Variants in ABI2 observed in about 807,000 individuals in gnomAD.
ABI2 encodes the protein abelson interactor 2.
Under a neutral mutation model 59.2 loss-of-function variants are expected in ABI2, and 25 were observed. The observed-to-expected ratio is 0.42, with a 90% CI of 0.31 to 0.59. The LOEUF (loss-of-function observed/expected upper bound fraction) is 0.59. Among genes scored for constraint, ABI2 ranks in the 20% least tolerant of loss-of-function variants. ABI2 has a pLI of 0.14. For synonymous variants in ABI2, 213 were observed against 235.5 expected, an observed-to-expected ratio of 0.90 and a Z score of 0.87; for missense variants, 545 against 681.8, an observed-to-expected ratio of 0.80 and a Z score of 2.23.
chr2:203,372,944 T>C (rs2095390698), intron 2 of ABI2, among the ~76,000 whole-genome samples: 1 of 151,340 alleles, frequency 6.6e-6, no homozygotes, highest in South Asian at 2.1e-4. Flanking sequence ...CTAGACGGGA[T>C]GGCGGCCAGG....
intron 10 of ABI2, among the ~76,000 whole-genome samples, chr2:203,412,075 G>T (rs919582533): frequency 6.6e-6 from 1 of 152,196 alleles, no homozygotes; most frequent in Non-Finnish European, 1.5e-5. Context: ...GCATGAATCT[G>T]AACTAGGAGA....
chr2:203,345,820 A>T (rs1044115403), intron 1 of ABI2, among the ~76,000 whole-genome samples: 2 of 151,086 alleles, frequency 1.3e-5, no homozygotes, highest in Admixed American at 6.6e-5. Flanking sequence ...TGCTGGGGTT[A>T]CAGGCGTGAG....
At chr2:203,334,563 G>T (rs962137611) in intron 1 of ABI2, among the ~76,000 whole-genome samples, 1 of 151,948 alleles carries the variant, frequency 6.6e-6, no homozygotes, top group Admixed American at 6.6e-5. Context: ...CCTACTCACT[G>T]TCCAGAGATT....
intron 2 of ABI2, among the ~76,000 whole-genome samples, chr2:203,377,660 C>T (rs2095800757): frequency 6.6e-6 from 1 of 152,204 alleles, no homozygotes; most frequent in Non-Finnish European, 1.5e-5. Context: ...AATCCCAGCA[C>T]TTTGGGAGGC....
At chr2:203,348,830 C>T (rs1266477340) in intron 1 of ABI2, among the ~76,000 whole-genome samples, 2 of 152,174 alleles carry the variant, frequency 1.3e-5, no homozygotes, top group African/African-American at 2.4e-5. Flanking sequence ...ACATCATTAT[C>T]ACCCAAAATT....
At chr2:203,416,165 T>TA in intron 10 of ABI2, among the ~76,000 whole-genome samples, 1 of 152,302 alleles carries the variant, frequency 6.6e-6, no homozygotes. Context: ...AGTGAAAAAA[T>TA]ATTTTAAGAA....
chr2:203,359,934 C>T (rs996449605), intron 1 of ABI2, among the ~76,000 whole-genome samples: 8 of 152,088 alleles, frequency 5.3e-5, no homozygotes, highest in Non-Finnish European at 1.0e-4. Context: ...TGCCTGTAAT[C>T]CCAGCAGTTT....
intron 5 of ABI2, among the ~76,000 whole-genome samples, chr2:203,392,542 GA>G (rs2096801033): frequency 6.6e-6 from 1 of 152,204 alleles, no homozygotes; most frequent in Non-Finnish European, 1.5e-5. Flanking sequence ...CTTAGAGAGA[GA>G]GAAAATCTAG....
chr2:203,368,543 A>G (rs565402017), intron 2 of ABI2, among the ~76,000 whole-genome samples: 24 of 152,276 alleles, frequency 1.6e-4, no homozygotes, highest in African/African-American at 5.8e-4. Flanking sequence ...TAGTCCAGAT[A>G]ATAAAATCAG....
chr2:203,333,297 A>G lies in ABI2; in HGVS notation c.117+4666A>G, dbSNP rs13018824. Among the ~76,000 whole-genome samples, 523 of 152,302 alleles carry G rather than the reference A, an allele frequency of 3.4e-3. 5 individuals carry two copies. Among genetic ancestry groups the G allele is most frequent in the Non-Finnish European group, 3.6e-3 (244 of 68,006 alleles). On this transcript the variant is annotated intron_variant, in intron 1 of 11. Transcript: ENST00000261018. ...ACTCATACTTTTAAATATTTTTTGTATGCACAACTATATATCAATATTTTT... is the reference window on the plus strand; with the variant it reads ...ACTCATACTTTTAAATATTTTTTGTGTGCACAACTATATATCAATATTTTT...
chr2:203,357,064 G>C (rs1456322626), intron 1 of ABI2, among the ~76,000 whole-genome samples: 1 of 152,018 alleles, frequency 6.6e-6, no homozygotes, highest in African/African-American at 2.4e-5. Flanking sequence ...TTTTTAAAAA[G>C]CAAGTTTCAT....
intron 4 of ABI2, among the ~76,000 whole-genome samples, chr2:203,387,002 G>C (rs972443532): frequency 4.0e-5 from 6 of 149,908 alleles, no homozygotes; most frequent in Non-Finnish European, 7.4e-5. Flanking sequence ...TTAAAGCAGA[G>C]AAATCATTCT....
At chr2:203,404,774 G>C (rs539279507) in intron 9 of ABI2, among the ~76,000 whole-genome samples, 1 of 152,256 alleles carries the variant, frequency 6.6e-6, no homozygotes, top group East Asian at 1.9e-4. Flanking sequence ...GGCCAAGCTG[G>C]TCTTGAACTC....
intron 1 of ABI2, among the ~76,000 whole-genome samples, chr2:203,366,487 T>C (rs2094463554): frequency 6.6e-6 from 1 of 152,194 alleles, no homozygotes; most frequent in Admixed American, 6.5e-5. Context: ...ACATTTCACA[T>C]ATTAGAGTGA....
chr2:203,336,380 C>G (rs1328158557), intron 1 of ABI2, among the ~76,000 whole-genome samples: 1 of 152,190 alleles, frequency 6.6e-6, no homozygotes, highest in Non-Finnish European at 1.5e-5. Flanking sequence ...TAGGCCAGTG[C>G]TTGAACTGCA....
At position 203,422,853 on chromosome 2, in the gene ABI2, G is replaced by A. The variant is rs148486007; in HGVS notation, c.1454-4324G>A. Among the ~76,000 whole-genome samples the A allele has an allele frequency of 2.8e-3, 421 of 152,278 alleles. 9 individuals carry two copies. Among genetic ancestry groups the A allele is most frequent in the Non-Finnish European group, 4.7e-4 (32 of 68,024 alleles). On this transcript the variant is annotated intron_variant, in intron 11 of 11. Coordinates refer to ENST00000261018, the MANE Select transcript of ABI2 (RefSeq NM_001375670.1). ...TGGTTTAACCAACTCTTCATTGATA[G>A]TGTCCAGGTTAACTTTGCTCTACCT...
At position 203,428,464 on chromosome 2, in the gene ABI2, CT is replaced by C. The variant is rs886570715; in HGVS notation, c.*1113del. ...GCTTAGCTGTAGAAAGGGTAATACT[CT>C]CCTGATTTTGTATGATTGGACTCTT... On this transcript the variant is annotated 3_prime_UTR_variant, in exon 12 of 12. Transcript: ENST00000261018. The C allele has an allele frequency of 3.5e-4, 54 of 152,612 alleles. No individual in the cohort carries two copies. Among genetic ancestry groups the C allele is most frequent in the African/African-American group, 1.3e-3 (53 of 41,516 alleles). 9.5% of individuals were successfully genotyped at this position (152,612 alleles called of 1,614,324 possible). A position where few individuals can be genotyped will look rare whatever the true frequency, so the allele number is the denominator to read the frequency against.
At chr2:203,417,470 TC>T (rs1388424187) in intron 11 of ABI2, among the ~76,000 whole-genome samples, 1 of 152,264 alleles carries the variant, frequency 6.6e-6, no homozygotes, top group Non-Finnish European at 1.5e-5. Flanking sequence ...CATGAAACTT[TC>T]TTCCACAGAA....
intron 2 of ABI2, among the ~76,000 whole-genome samples, chr2:203,373,748 A>G (rs1305206526): frequency 6.6e-6 from 1 of 152,362 alleles, no homozygotes; most frequent in East Asian, 1.9e-4. Context: ...TAACAATTAA[A>G]GGAGCTGGAA....
Sources: gnomAD v4.1 joint callset for allele counts (sites outside exome capture counted in the v4.1 genomes callset) on GRCh38, gnomAD v4.1.1 for gene constraint, MANE v1.5 for transcripts, NCBI Gene and HGNC (gene_info 2026-07-23, HGNC 2026-07-21) for gene names.